The following OSBPL6 variants were observed in gnomAD, a reference collection of about 807,000 sequenced individuals.
The protein encoded by OSBPL6 is oxysterol binding protein like 6.
In OSBPL6, 49 loss-of-function variants were observed where a neutral mutation model predicts 125.8. The ratio of observed to expected loss-of-function variants is 0.39; its 90% CI spans 0.31 to 0.49. OSBPL6 has a LOEUF of 0.49. OSBPL6 is among the 20% of genes least tolerant of loss of function. OSBPL6 has a pLI of 0.88. For missense variants in OSBPL6, 986 were observed against 1,135.4 expected, an observed-to-expected ratio of 0.87 and a Z score of 1.89; for synonymous variants, 394 against 391.8, an observed-to-expected ratio of 1.01 and a Z score of -0.07.
At chr2:178,228,390 C>T (rs999897341) in intron 1 of OSBPL6, among the ~76,000 whole-genome samples, 1 of 152,144 alleles carries the variant, frequency 6.6e-6, no homozygotes, top group African/African-American at 2.4e-5. Flanking sequence ...AAAAAATGAG[C>T]CGGGTGTGGT....
intron 1 of OSBPL6, among the ~76,000 whole-genome samples, chr2:178,257,626 G>T (rs2091927047): frequency 6.6e-6 from 1 of 151,910 alleles, no homozygotes; most frequent in African/African-American, 2.4e-5. Flanking sequence ...TGCCTTATTT[G>T]TTACTTAGCA....
At chr2:178,259,697 C>T (rs1393921750) in intron 1 of OSBPL6, among the ~76,000 whole-genome samples, 1 of 152,180 alleles carries the variant, frequency 6.6e-6, no homozygotes, top group Non-Finnish European at 1.5e-5. Context: ...AGGAAATACT[C>T]CTAAGTAGAG....
At chr2:178,322,793 G>A (rs1688351942) in intron 3 of OSBPL6, among the ~76,000 whole-genome samples, 1 of 151,822 alleles carries the variant, frequency 6.6e-6, no homozygotes, top group Admixed American at 6.6e-5. Flanking sequence ...TTATTTGTTG[G>A]TGGGGGAAGC....
intron 1 of OSBPL6, among the ~76,000 whole-genome samples, chr2:178,245,075 T>C (rs569591273): frequency 4.6e-5 from 7 of 152,288 alleles, no homozygotes; most frequent in Admixed American, 1.3e-4. Context: ...TGCAGCAACT[T>C]CTTACTCGAT....
At chr2:178,388,988 C>G (rs1286686697) in intron 20 of OSBPL6, 21 bp from the exon 21 acceptor site, 50 of 1,605,810 alleles carry the variant, frequency 3.1e-5, no homozygotes, top group Non-Finnish European at 4.1e-5. Context: ...TGTTTTTCAT[C>G]AGTGTTACAT....
At chr2:178,234,768 C>T (rs1404598854) in intron 1 of OSBPL6, among the ~76,000 whole-genome samples, 1 of 152,252 alleles carries the variant, frequency 6.6e-6, no homozygotes, top group East Asian at 1.9e-4. Context: ...CAGACAGTAC[C>T]TGCTTTTGGA....
chr2:178,297,261 G>T (rs1265495175), intron 2 of OSBPL6, among the ~76,000 whole-genome samples: 1 of 152,018 alleles, frequency 6.6e-6, no homozygotes, highest in African/African-American at 2.4e-5. Flanking sequence ...AGTCTACAAA[G>T]CATGTGGATT....
chr2:178,235,271 T>C (rs753767547), intron 1 of OSBPL6, among the ~76,000 whole-genome samples: 5 of 152,128 alleles, frequency 3.3e-5, no homozygotes, highest in Non-Finnish European at 5.9e-5. Flanking sequence ...GTTATACATA[T>C]ATAATCTTGG....
At chr2:178,203,906 C>T (rs1319476655) in intron 1 of OSBPL6, among the ~76,000 whole-genome samples, 1 of 152,002 alleles carries the variant, frequency 6.6e-6, no homozygotes, top group Non-Finnish European at 1.5e-5. Flanking sequence ...GTTCTTGATT[C>T]TGTGAGTGTA....
At position 178,373,573 on chromosome 2, in the gene OSBPL6, A is replaced by C. The variant is rs529427901; in HGVS notation, c.1396-317A>C. ...TTAATGTACCGTTAGAATATGACAG[A>C]CCTAAGAATAAGAGAATGAAGTTGT... On this transcript the variant is annotated intron_variant, in intron 14 of 24. Coordinates refer to ENST00000190611, the MANE Select transcript of OSBPL6 (RefSeq NM_032523.4). Among the ~76,000 whole-genome samples the C allele has an allele frequency of 2.0e-5, 3 of 152,334 alleles. No individual in the cohort carries two copies. In the East Asian group the frequency reaches 5.8e-4, roughly 29 times the overall value.
At chr2:178,359,822 T>C (rs1478642904) in intron 12 of OSBPL6, among the ~76,000 whole-genome samples, 1 of 152,244 alleles carries the variant, frequency 6.6e-6, no homozygotes, top group African/African-American at 2.4e-5. Flanking sequence ...GTGCAGTGGC[T>C]CACACTTGTA....
chr2:178,349,476 T>C (rs903525903), intron 12 of OSBPL6, 87 bp downstream of exon 12: 2 of 1,458,544 alleles, frequency 1.4e-6, no homozygotes, highest in Non-Finnish European at 1.9e-6. Context: ...GTCTTTGTGG[T>C]AATGATAGAA....
Position 178,374,010 on chromosome 2 carries a change from A to G in OSBPL6, c.1516A>G (p.Ser506Gly), listed in dbSNP as rs1470064250. The change falls in exon 15 of 25, where the codon AGT becomes GGT. Residue 506 changes from serine (S) to glycine (G), a missense_variant. By Grantham distance (56) the Ser-to-Gly change is moderately conservative. Around this residue, in one of 3 missense-constraint regions of OSBPL6, gnomAD observed 843 missense variants for 997.3 expected, o/e 0.85. Coordinates refer to ENST00000190611, the MANE Select transcript of OSBPL6 (RefSeq NM_032523.4). ...FDAQEVLLSASSSENEASDDE... is the reference protein window; with the variant it reads ...FDAQEVLLSAGSSENEASDDE... ...TGCCCAAGAGGTGCTCCTCTCTGCA[A>G]GTTCGTCAGAGAATGAGGTATGTAT... The G allele has an allele frequency of 6.2e-7, 1 of 1,613,918 alleles. No homozygotes were observed. The highest frequency in any genetic ancestry group is 1.3e-5 in the African/African-American group (1 of 74,936).
At chr2:178,253,929 T>C (rs1427584435) in intron 1 of OSBPL6, among the ~76,000 whole-genome samples, 1 of 152,090 alleles carries the variant, frequency 6.6e-6, no homozygotes, top group African/African-American at 2.4e-5. Flanking sequence ...ATCATGGCAA[T>C]AGGACTGATG....
At chr2:178,263,253 C>CGG (rs2092119131) in intron 1 of OSBPL6, among the ~76,000 whole-genome samples, 1 of 152,084 alleles carries the variant, frequency 6.6e-6, no homozygotes, top group African/African-American at 2.4e-5. Flanking sequence ...CCGAGATGGG[C>CGG]GGATCAGCTG....
intron 2 of OSBPL6, among the ~76,000 whole-genome samples, chr2:178,289,278 A>G (rs948293806): frequency 6.6e-6 from 1 of 152,050 alleles, no homozygotes; most frequent in Non-Finnish European, 1.5e-5. Flanking sequence ...GGCCTCCCAG[A>G]GTGCTGGGAT....
chr2:178,246,429 C>A (rs1359030366), intron 1 of OSBPL6, among the ~76,000 whole-genome samples: 3 of 152,162 alleles, frequency 2.0e-5, no homozygotes, highest in Non-Finnish European at 4.4e-5. Flanking sequence ...TTCCTCCACT[C>A]CTACTCCTTC....
intron 1 of OSBPL6, among the ~76,000 whole-genome samples, chr2:178,231,004 A>G (rs1183660949): frequency 1.5e-4 from 23 of 152,266 alleles, no homozygotes; most frequent in Non-Finnish European, 1.0e-4. Context: ...GTCATCTCAC[A>G]CTGAGAAGAT....
At chr2:178,210,973 C>T (rs941345289) in intron 1 of OSBPL6, among the ~76,000 whole-genome samples, 3 of 151,804 alleles carry the variant, frequency 2.0e-5, no homozygotes, top group Admixed American at 6.6e-5. Flanking sequence ...ATTTATACTA[C>T]ATGGATAGAG....
Sources: allele counts gnomAD v4.1 joint callset (sites outside exome capture counted in the v4.1 genomes callset), GRCh38; gene constraint gnomAD v4.1.1; regional missense constraint gnomAD v4.1.1; transcripts MANE v1.5; gene names NCBI Gene and HGNC (gene_info 2026-07-23, HGNC 2026-07-21).